Variants in TRDN observed in about 807,000 individuals in gnomAD.
TRDN encodes triadin in skeletal muscle.
In TRDN, 161 loss-of-function variants were observed where a neutral mutation model predicts 149.7. The ratio of observed to expected loss-of-function variants is 1.08; its 90% CI spans 0.95 to 1.23. The LOEUF is 1.23. TRDN is among the 50% of genes most tolerant of loss of function. The pLI is 0.00. For missense variants in TRDN, 896 were observed against 823.5 expected (o/e 1.09, Z -1.08); for synonymous variants, 294 against 250.5 (o/e 1.17, Z -1.64).
At chr6:123,591,440 T>A (rs1340883355) in intron 1 of TRDN, among the ~76,000 whole-genome samples, 1 of 152,168 alleles carries the variant, frequency 6.6e-6, no homozygotes, top group Non-Finnish European at 1.5e-5. Context: ...CAGATGGGGT[T>A]TCACCATGTT....
intron 12 of TRDN, among the ~76,000 whole-genome samples, chr6:123,397,750 A>C (rs1772793759): frequency 6.6e-6 from 1 of 152,292 alleles, no homozygotes; most frequent in Non-Finnish European, 1.5e-5. Flanking sequence ...AATTTTGTAA[A>C]ATTAACTAAT....
chr6:123,356,520 T>TA (rs1411743879), intron 20 of TRDN, among the ~76,000 whole-genome samples: 9 of 25,700 alleles, frequency 3.5e-4, no homozygotes, highest in African/African-American at 9.3e-4. Flanking sequence ...TATATATATA[T>TA]ATATATATAT....
intron 12 of TRDN, among the ~76,000 whole-genome samples, chr6:123,397,094 G>C (rs1772762425): frequency 6.6e-6 from 1 of 151,742 alleles, no homozygotes; most frequent in South Asian, 2.1e-4. Flanking sequence ...AGAATAAGTT[G>C]GTAGAGATCA....
chr6:123,470,917 T>C (rs1777114826), intron 9 of TRDN: 1 of 152,128 alleles, frequency 6.6e-6, no homozygotes, highest in African/African-American at 2.4e-5. Flanking sequence ...ACCAGACCCT[T>C]TTCTAGGACA....
intron 19 of TRDN, among the ~76,000 whole-genome samples, chr6:123,373,729 T>C (rs186232828): frequency 2.0e-5 from 3 of 152,344 alleles, no homozygotes; most frequent in Admixed American, 1.3e-4. Flanking sequence ...ATCACATAAA[T>C]ACATAGTTTA....
chr6:123,630,053 C>G (rs1331225841), intron 1 of TRDN, among the ~76,000 whole-genome samples: 1 of 151,914 alleles, frequency 6.6e-6, no homozygotes, highest in Admixed American at 6.6e-5. Flanking sequence ...AAAACTTAAC[C>G]TTGACAAATC....
chr6:123,375,265 C>T (rs2114393663), intron 19 of TRDN, among the ~76,000 whole-genome samples: 1 of 152,206 alleles, frequency 6.6e-6, no homozygotes, highest in East Asian at 1.9e-4. Flanking sequence ...AGGTTGCCTA[C>T]TGGTTTGATC....
intron 24 of TRDN, among the ~76,000 whole-genome samples, chr6:123,297,857 T>C (rs180776967): frequency 2.6e-3 from 397 of 152,078 alleles, no homozygotes; most frequent in Middle Eastern, 6.8e-3. Flanking sequence ...CTCAGGAAAT[T>C]CAAACTTAAA....
intron 27 of TRDN, 110 bp from the exon 28 acceptor site, chr6:123,273,473 A>G: frequency 1.9e-6 from 1 of 524,132 alleles, no homozygotes; most frequent in Non-Finnish European, 2.8e-6. Flanking sequence ...CTAGCTTTAA[A>G]TAGTACTGGG....
At position 123,426,251 on chromosome 6, in the gene TRDN, T is replaced by C. The variant is rs1287457177; in HGVS notation, c.1051+11812A>G. ...TCTGAGAAAAAAAGGAAGCAAATAA[T>C]TTGGCTGATAGAGAAGAAGGGTAAA... is the stretch of plus-strand genomic sequence containing the variant. On this transcript the variant is annotated intron_variant, in intron 12 of 40. Coordinates refer to ENST00000334268, the MANE Select transcript of TRDN (RefSeq NM_006073.4). Among the ~76,000 whole-genome samples the C allele has an allele frequency of 2.0e-5, 3 of 152,046 alleles. No individual in the cohort carries two copies. The East Asian group carries it at 5.8e-4, about 29-fold the overall frequency.
intron 2 of TRDN, among the ~76,000 whole-genome samples, chr6:123,566,109 C>T (rs1048513036): frequency 1.3e-5 from 2 of 152,172 alleles, no homozygotes; most frequent in Admixed American, 1.3e-4. Context: ...GACAGATAGG[C>T]ATAGTATTGT....
At chr6:123,518,576 G>C (rs1035401449) in intron 5 of TRDN, among the ~76,000 whole-genome samples, 1 of 152,104 alleles carries the variant, frequency 6.6e-6, no homozygotes, top group Non-Finnish European at 1.5e-5. Flanking sequence ...TCAGATTGAC[G>C]TGTGCAAAGG....
intron 2 of TRDN, among the ~76,000 whole-genome samples, chr6:123,550,870 T>A (rs1413735788): frequency 1.3e-5 from 2 of 151,958 alleles, no homozygotes; most frequent in African/African-American, 4.8e-5. Context: ...CCAGAGAGTT[T>A]CATGTGAGCA....
intron 7 of TRDN, among the ~76,000 whole-genome samples, chr6:123,505,547 T>C (rs1441513826): frequency 2.6e-5 from 4 of 152,152 alleles, no homozygotes; most frequent in Admixed American, 1.3e-4. Flanking sequence ...GCCAAATTCA[T>C]TTGGCAACAA....
chr6:123,237,948 T>C (rs1259749275), intron 38 of TRDN, among the ~76,000 whole-genome samples: 1 of 152,152 alleles, frequency 6.6e-6, no homozygotes, highest in African/African-American at 2.4e-5. Context: ...AGCATTCCCC[T>C]ATTCTATCAG....
intron 4 of TRDN, among the ~76,000 whole-genome samples, chr6:123,536,706 T>TAAATAAAC (rs1780554860): frequency 6.7e-6 from 1 of 148,346 alleles, no homozygotes. Context: ...AATAAATAAA[T>TAAATAAAC]AAATAAATAA....
At chr6:123,626,491 A>C (rs1208712618) in intron 1 of TRDN, among the ~76,000 whole-genome samples, 1 of 152,072 alleles carries the variant, frequency 6.6e-6, no homozygotes, top group African/African-American at 2.4e-5. Context: ...ACAACAACAA[A>C]AAAGTCACTC....
intron 22 of TRDN, among the ~76,000 whole-genome samples, chr6:123,334,983 G>A (rs915651371): frequency 6.6e-6 from 1 of 151,968 alleles, no homozygotes; most frequent in Non-Finnish European, 1.5e-5. Flanking sequence ...AAAATACAAC[G>A]CTAATAAAAT....
intron 1 of TRDN, among the ~76,000 whole-genome samples, chr6:123,614,071 C>A (rs1353191918): frequency 6.6e-6 from 1 of 151,894 alleles, no homozygotes; most frequent in Non-Finnish European, 1.5e-5. Context: ...AAGACCAGCA[C>A]CTCCTCAGTA....
Sources: allele counts gnomAD v4.1 joint callset (sites outside exome capture counted in the v4.1 genomes callset), GRCh38; gene constraint gnomAD v4.1.1; transcripts MANE v1.5; gene names NCBI Gene and HGNC (gene_info 2026-07-23, HGNC 2026-07-21).